Variants in MEF2A observed in about 807,000 individuals in gnomAD.
MEF2A encodes myocyte-specific enhancer factor 2A.
In MEF2A, 28 loss-of-function variants were observed where a neutral mutation model predicts 55.8. The observed-to-expected ratio is 0.50, with a 90% confidence interval of 0.37 to 0.69. The LOEUF is 0.69. Among genes scored for constraint, MEF2A ranks in the 30% least tolerant of loss-of-function variants. MEF2A has a pLI of 0.00. For synonymous variants in MEF2A, 239 were observed against 227.1 expected, an observed-to-expected ratio of 1.05 and a Z score of -0.47; for missense variants, 528 against 626.2, an observed-to-expected ratio of 0.84 and a Z score of 1.67.
At chr15:99,706,878 C>A (rs776715399) in intron 10 of MEF2A, 23 bp downstream of exon 10, 4 of 1,609,064 alleles carry the variant, frequency 2.5e-6, no homozygotes, top group Non-Finnish European at 3.4e-6. Context: ...TGGTGCCTTC[C>A]GTAGGTTTTA....
chr15:99,633,026 A>G lies in MEF2A; in HGVS notation c.-94A>G. ...AGCCCTTGGACTAGAAGCTGAAATAACAGAAGCTGTGTACGATGCATTAGG... is the reference window on the plus strand; with the variant it reads ...AGCCCTTGGACTAGAAGCTGAAATAGCAGAAGCTGTGTACGATGCATTAGG... On this transcript the variant is annotated 5_prime_UTR_variant, in exon 3 of 12. Transcript: ENST00000557942. 10 of 1,017,838 alleles carry G rather than the reference A, an allele frequency of 9.8e-6. No homozygotes were observed. The highest frequency in any genetic ancestry group is 1.6e-5 in the South Asian group (1 of 64,120). The allele number at this position is 1,017,838 out of a possible 1,614,324, so 63.1% of individuals were successfully genotyped here.
At chr15:99,597,983 G>T (rs1040851058) in intron 1 of MEF2A, among the ~76,000 whole-genome samples, 4 of 152,052 alleles carry the variant, frequency 2.6e-5, no homozygotes, top group African/African-American at 9.7e-5. Flanking sequence ...ATATTTTATG[G>T]TGATAACAAT....
At chr15:99,661,963 ATT>A (rs776727753) in intron 4 of MEF2A, among the ~76,000 whole-genome samples, 12 of 152,098 alleles carry the variant, frequency 7.9e-5, no homozygotes, top group Non-Finnish European at 1.5e-4. Context: ...GCCAGCTATA[ATT>A]CTGTGTAACT....
At chr15:99,589,645 A>G (rs1968581404) in intron 1 of MEF2A, among the ~76,000 whole-genome samples, 1 of 152,132 alleles carries the variant, frequency 6.6e-6, no homozygotes, top group South Asian at 2.1e-4. Flanking sequence ...GTAAATTTCC[A>G]AGTACGTATC....
intron 1 of MEF2A, among the ~76,000 whole-genome samples, chr15:99,593,244 C>T (rs570123200): frequency 3.9e-5 from 6 of 152,260 alleles, no homozygotes; most frequent in East Asian, 1.9e-4. Flanking sequence ...TCTTGTACTC[C>T]GTGAGTCTCC....
intron 7 of MEF2A, among the ~76,000 whole-genome samples, chr15:99,676,449 T>A (rs193085904): frequency 1.3e-5 from 2 of 152,062 alleles, no homozygotes; most frequent in Admixed American, 1.3e-4. Flanking sequence ...CCAAGAATTG[T>A]GAGAGCCTAA....
chr15:99,580,647 G>A (rs1965663475), intron 1 of MEF2A, among the ~76,000 whole-genome samples: 1 of 152,184 alleles, frequency 6.6e-6, no homozygotes, highest in African/African-American at 2.4e-5. Context: ...AGAGGTTTGT[G>A]TCTATAATAT....
chr15:99,615,668 C>A (rs990651868), intron 2 of MEF2A, among the ~76,000 whole-genome samples: 1 of 152,122 alleles, frequency 6.6e-6, no homozygotes, highest in African/African-American at 2.4e-5. Context: ...ATGCTGCAGA[C>A]CCTGTCCTGT....
chr15:99,679,631 G>A (rs554013385), intron 7 of MEF2A, among the ~76,000 whole-genome samples: 1 of 152,248 alleles, frequency 6.6e-6, no homozygotes, highest in African/African-American at 2.4e-5. Context: ...ATATTTTAGG[G>A]GGCCCAATTA....
intron 7 of MEF2A, among the ~76,000 whole-genome samples, chr15:99,675,759 C>T (rs1043683574): frequency 6.6e-6 from 1 of 152,086 alleles, no homozygotes; most frequent in Non-Finnish European, 1.5e-5. Context: ...TTGTCTTGGC[C>T]GGGCGTCGTG....
intron 4 of MEF2A, among the ~76,000 whole-genome samples, chr15:99,665,576 A>G: frequency 6.6e-6 from 1 of 152,146 alleles, no homozygotes. Flanking sequence ...GCCAAAATAG[A>G]TAAATAGGAT....
chr15:99,598,721 C>T (rs563636478), intron 2 of MEF2A, among the ~76,000 whole-genome samples: 12 of 152,064 alleles, frequency 7.9e-5, no homozygotes, highest in East Asian at 3.9e-4. Context: ...TTTTGTCTGA[C>T]GCTGCTGAAA....
chr15:99,684,068 A>G (rs2053755917), intron 7 of MEF2A, among the ~76,000 whole-genome samples: 1 of 152,120 alleles, frequency 6.6e-6, no homozygotes, highest in Non-Finnish European at 1.5e-5. Flanking sequence ...GTAGTATTCC[A>G]TGGTGTACAT....
Position 99,633,005 on chromosome 15 carries a change from C to A in MEF2A, c.-115C>A. 1 of 786,576 alleles carries A rather than the reference C, an allele frequency of 1.3e-6. No homozygotes were observed. The highest frequency in any genetic ancestry group is 2.0e-6 in the Non-Finnish European group (1 of 493,368). The allele number at this position is 786,576 out of a possible 1,614,324, so 48.7% of individuals were successfully genotyped here. On this transcript the variant is annotated 5_prime_UTR_variant, in exon 3 of 12. Coordinates refer to ENST00000557942, the MANE Select transcript of MEF2A (RefSeq NM_001319206.4). ...CTTGTAGAAAATTTCAGCTGTAGCCCTTGGACTAGAAGCTGAAATAACAGA... is the reference window on the plus strand; with the variant it reads ...CTTGTAGAAAATTTCAGCTGTAGCCATTGGACTAGAAGCTGAAATAACAGA...
At chr15:99,570,475 C>T (rs1961720412) in intron 1 of MEF2A, among the ~76,000 whole-genome samples, 2 of 152,102 alleles carry the variant, frequency 1.3e-5, no homozygotes, top group African/African-American at 2.4e-5. Context: ...AAATTATATG[C>T]TTGAGAAAGG....
chr15:99,578,472 A>G (rs1214129853), intron 1 of MEF2A, among the ~76,000 whole-genome samples: 1 of 152,180 alleles, frequency 6.6e-6, no homozygotes, highest in Non-Finnish European at 1.5e-5. Flanking sequence ...CTTCAGGCTC[A>G]TCTTGCATTT....
intron 3 of MEF2A, among the ~76,000 whole-genome samples, chr15:99,634,248 A>G (rs1002420990): frequency 6.6e-6 from 1 of 152,168 alleles, no homozygotes; most frequent in Non-Finnish European, 1.5e-5. Context: ...GGTGGGAGAG[A>G]TGAGGGTTGC....
chr15:99,710,198 A>G (rs940895969), intron 10 of MEF2A, among the ~76,000 whole-genome samples: 1 of 152,162 alleles, frequency 6.6e-6, no homozygotes, highest in African/African-American at 2.4e-5. Context: ...ACCCACATGT[A>G]TGTTGTTTTG....
intron 8 of MEF2A, among the ~76,000 whole-genome samples, chr15:99,695,353 A>T (rs1325137401): frequency 6.6e-6 from 1 of 152,236 alleles, no homozygotes; most frequent in Non-Finnish European, 1.5e-5. Flanking sequence ...ACTACAGAAG[A>T]AAATTTTAAA....
Sources: allele counts gnomAD v4.1 joint callset (sites outside exome capture counted in the v4.1 genomes callset), GRCh38; gene constraint gnomAD v4.1.1; transcripts MANE v1.5; gene names NCBI Gene and HGNC (gene_info 2026-07-23, HGNC 2026-07-21).